The following TMPO variants were observed in gnomAD, a reference collection of about 807,000 sequenced individuals.
The protein encoded by TMPO is thymopoietin, also known as LEM domain containing 4.
A neutral mutation model predicts 45.4 loss-of-function variants in TMPO; 22 were observed. The ratio of observed to expected loss-of-function variants is 0.48; its 90% CI spans 0.35 to 0.69. TMPO has a LOEUF of 0.69. Among genes scored for constraint, TMPO ranks in the 30% least tolerant of loss-of-function variants. The pLI is 0.01. For missense variants in TMPO, 512 were observed against 548.8 expected, an observed-to-expected ratio of 0.93 and a Z score of 0.67; for synonymous variants, 241 against 204.1, an observed-to-expected ratio of 1.18 and a Z score of -1.54.
chr12:98,547,757 G>A lies in TMPO; in HGVS notation c.1264G>A (p.Val422Ile). The A allele has an allele frequency of 6.2e-7, 1 of 1,614,172 alleles. No homozygotes were observed. Among genetic ancestry groups the A allele is most frequent in the Non-Finnish European group, 8.5e-7 (1 of 1,180,028 alleles). Residue 422 changes from valine to isoleucine, a missense_variant, in exon 9 of 9, where the codon GTT becomes ATT. Val to Ile is a conservative substitution (Grantham distance 29). Around this residue, in one of 3 missense-constraint regions of TMPO, gnomAD observed 209 missense variants for 235.1 expected, o/e 0.89. Transcript: ENST00000556029. The stretch of plus-strand genomic sequence containing the variant: ...ATGGATAAAAATTTTGCTGTTTGTT[G>A]TTGTGGCAGTTTTTTTGTTTTTGGT... ...PVWIKILLFV[V>I]VAVFLFLVYQ...
intron 1 of TMPO, among the ~76,000 whole-genome samples, chr12:98,526,089 C>T (rs773439748): frequency 6.6e-6 from 1 of 152,160 alleles, no homozygotes; most frequent in Non-Finnish European, 1.5e-5. Flanking sequence ...CCAGTAAATA[C>T]TGCCTTTGTA....
chr12:98,547,474 G>T (rs1565818201), intron 8 of TMPO, 99 bp from the exon 9 acceptor site: 2 of 1,406,834 alleles, frequency 1.4e-6, no homozygotes, highest in Non-Finnish European at 2.0e-6. Flanking sequence ...CTCAGGGAAT[G>T]TGCTTGGAAT....
chr12:98,534,357 A>T (rs780469053), intron 3 of TMPO: 81 of 1,610,132 alleles, frequency 5.0e-5, no homozygotes, highest in Non-Finnish European at 6.4e-5. Flanking sequence ...ATTAAGGACA[A>T]AAAGACATCT....
chr12:98,536,177 A>G (rs1877554584), intron 3 of TMPO, among the ~76,000 whole-genome samples: 1 of 152,234 alleles, frequency 6.6e-6, no homozygotes. Context: ...TTAGCAAGAC[A>G]CATATAGATG....
intron 1 of TMPO, chr12:98,516,507 A>T (rs1395703405): frequency 1.9e-6 from 2 of 1,076,450 alleles, no homozygotes; most frequent in East Asian, 1.2e-4. Context: ...GGTGGCCCCA[A>T]AATGCTATAG....
intron 4 of TMPO, among the ~76,000 whole-genome samples, chr12:98,538,277 G>T (rs1877693612): frequency 6.6e-6 from 1 of 152,184 alleles, no homozygotes; most frequent in Non-Finnish European, 1.5e-5. Context: ...TATTCCTAGA[G>T]TCATTTTCCT....
At chr12:98,534,120 A>G in intron 3 of TMPO, 2 of 1,613,774 alleles carry the variant, frequency 1.2e-6, no homozygotes, top group Non-Finnish European at 1.7e-6. Context: ...TGAGCAAAAC[A>G]TATGATGCAG....
chr12:98,532,675 G>A (rs1470074250), intron 3 of TMPO: 5 of 1,060,654 alleles, frequency 4.7e-6, no homozygotes, highest in Non-Finnish European at 6.9e-6. Flanking sequence ...AATAAGCTTT[G>A]TCTACCAGGG....
intron 3 of TMPO, 142 bp downstream of exon 3, chr12:98,531,980 G>T: frequency 1.5e-6 from 1 of 663,208 alleles, no homozygotes; most frequent in Non-Finnish European, 2.5e-6. Flanking sequence ...TCTGTAATTT[G>T]ATTTAAATAC....
chr12:98,534,355 C>G (rs1555204035), intron 3 of TMPO: 1 of 1,610,200 alleles, frequency 6.2e-7, no homozygotes. Context: ...AAATTAAGGA[C>G]AAAAAGACAT....
At chr12:98,523,651 T>C (rs1876548277) in intron 1 of TMPO, among the ~76,000 whole-genome samples, 1 of 152,196 alleles carries the variant, frequency 6.6e-6, no homozygotes, top group Non-Finnish European at 1.5e-5. Context: ...TTCATTATGT[T>C]TGAAGGAAAT....
intron 7 of TMPO, among the ~76,000 whole-genome samples, chr12:98,546,053 T>C (rs1878211023): frequency 6.6e-6 from 1 of 152,040 alleles, no homozygotes; most frequent in South Asian, 2.1e-4. Context: ...CTCTTAATAG[T>C]AAAAAACAAA....
At chr12:98,533,938 T>G in intron 3 of TMPO, 1 of 1,614,016 alleles carries the variant, frequency 6.2e-7, no homozygotes, top group Non-Finnish European at 8.5e-7. Context: ...CACTGAGTCT[T>G]GCAATCAGCA....
At chr12:98,522,793 GT>G (rs1358089036) in intron 1 of TMPO, among the ~76,000 whole-genome samples, 3 of 152,192 alleles carry the variant, frequency 2.0e-5, no homozygotes, top group Admixed American at 6.6e-5. Context: ...TTGAACCTCA[GT>G]TTTCTGAGTT....
chr12:98,534,381 G>C (rs776789270), intron 3 of TMPO: 54 of 1,605,590 alleles, frequency 3.4e-5, no homozygotes, highest in Non-Finnish European at 4.3e-5. Context: ...TTATCTTTCA[G>C]GTACTTTATG....
At position 98,515,810 on chromosome 12, in the gene TMPO, C is replaced by A. The variant is rs865996291; in HGVS notation, c.-58C>A. Reference sequence around the variant, plus strand: ...CGCGGTCCCCGGCCAGGAGCAAGCGCGCCGGCGTGAGCGGCGGCGGCAAAG... The same window carrying A: ...CGCGGTCCCCGGCCAGGAGCAAGCGAGCCGGCGTGAGCGGCGGCGGCAAAG... On this transcript the variant is annotated 5_prime_UTR_variant, in exon 1 of 9. Coordinates refer to ENST00000556029, the MANE Select transcript of TMPO (RefSeq NM_001032283.3). 1.9e-6 allele frequency: 3 copies of A among 1,568,820 alleles called. No individual in the cohort carries two copies. In the African/African-American group the frequency reaches 4.1e-5, roughly 21 times the overall value.
At chr12:98,516,232 G>C in intron 1 of TMPO, 86 bp downstream of exon 1, 2 of 1,307,322 alleles carry the variant, frequency 1.5e-6, no homozygotes, top group African/African-American at 3.1e-5. Context: ...CTCCCTCCCG[G>C]GCGCCCCCTC....
rs2121262251 is a variant in TMPO, at chr12:98,547,606, A to G, written c.1113A>G (p.Ala371=). The change falls in exon 9 of 9, where the codon GCA becomes GCG. Residue 371 remains alanine (A), a synonymous_variant. Transcript: ENST00000556029. ...GCCGCAGACCAATCAAAGGGGCTGCAGGCCGGCCATTAGAACTCAGTGATT... is the reference window on the plus strand; with the variant it reads ...GCCGCAGACCAATCAAAGGGGCTGCGGGCCGGCCATTAGAACTCAGTGATT... The part of the protein sequence containing the change: ...ASCRRPIKGA[A]GRPLELSDFR... The G allele has an allele frequency of 6.2e-7, 1 of 1,614,220 alleles. No homozygotes were observed. The highest frequency in any genetic ancestry group is 2.2e-5 in the East Asian group (1 of 44,888).
chr12:98,537,876 T>C (rs1877669983), intron 4 of TMPO, among the ~76,000 whole-genome samples: 2 of 151,452 alleles, frequency 1.3e-5, no homozygotes, highest in Non-Finnish European at 2.9e-5. Context: ...TAGACACTTT[T>C]GATACAATTT....
Sources: gnomAD v4.1 joint callset for allele counts (sites outside exome capture counted in the v4.1 genomes callset) on GRCh38, gnomAD v4.1.1 for gene constraint, gnomAD v4.1.1 regional missense constraint, MANE v1.5 for transcripts, NCBI Gene and HGNC (gene_info 2026-07-23, HGNC 2026-07-21) for gene names.